Variants in IGSF10 observed in about 807,000 individuals in gnomAD.
The protein encoded by IGSF10 is calvaria mechanical force protein 608.
IGSF10 carries 126 observed loss-of-function variants against 128.2 expected under a neutral mutation model. The observed-to-expected ratio is 0.98, with a 90% CI of 0.85 to 1.14. The LOEUF (loss-of-function observed/expected upper bound fraction) is 1.14, where lower values mean the gene tolerates loss of function less well. IGSF10 is among the 50% of genes most tolerant of loss of function. The pLI, the probability that IGSF10 is intolerant of heterozygous loss-of-function variation, is 0.00. For missense variants in IGSF10, 3,295 were observed against 3,149.8 expected (o/e 1.05, Z -1.10); for synonymous variants, 1,185 against 1,146.2 (o/e 1.03, Z -0.68).
the IGSF10 span, among the ~76,000 whole-genome samples, chr3:151,542,639 GT>G: frequency 4.6e-5 from 7 of 152,070 alleles, no homozygotes; most frequent in African/African-American, 7.2e-5. Context: ...CAAAATAAAT[GT>G]TTTTAGTAAG....
chr3:151,481,114 G>A, the IGSF10 span, among the ~76,000 whole-genome samples: 1 of 152,144 alleles, frequency 6.6e-6, no homozygotes, highest in South Asian at 2.1e-4. Context: ...ACCCCCCAGA[G>A]ATCCAGAGGC....
At chr3:151,528,795 CAGG>C in the IGSF10 span, among the ~76,000 whole-genome samples, 1 of 98,016 alleles carries the variant, frequency 1.0e-5, no homozygotes, top group Non-Finnish European at 2.0e-5. Context: ...GAGCTAGCTG[CAGG>C]AGTTTTTTTT....
At chr3:151,555,957 T>C in the IGSF10 span, among the ~76,000 whole-genome samples, 1 of 152,180 alleles carries the variant, frequency 6.6e-6, no homozygotes, top group Non-Finnish European at 1.5e-5. Context: ...CAAACCTTGA[T>C]ATGATTCTGC....
chr3:151,486,642 C>T, the IGSF10 span, among the ~76,000 whole-genome samples: 1 of 152,204 alleles, frequency 6.6e-6, no homozygotes, highest in African/African-American at 2.4e-5. Flanking sequence ...CAAATTAGAA[C>T]TCAAGATTAA....
intron 5 of IGSF10, among the ~76,000 whole-genome samples, chr3:151,451,476 C>A (rs984100713): frequency 6.6e-6 from 1 of 152,142 alleles, no homozygotes; most frequent in Non-Finnish European, 1.5e-5. Flanking sequence ...AATGGATGCT[C>A]AGGAAAGATC....
the IGSF10 span, among the ~76,000 whole-genome samples, chr3:151,522,495 A>G: frequency 2.0e-5 from 3 of 152,170 alleles, no homozygotes; most frequent in Non-Finnish European, 4.4e-5. Flanking sequence ...ATCCACTACA[A>G]TCAAGTAGGC....
At chr3:151,614,445 G>A in the IGSF10 span, among the ~76,000 whole-genome samples, 1 of 152,156 alleles carries the variant, frequency 6.6e-6, no homozygotes, top group South Asian at 2.1e-4. Flanking sequence ...CGATAGACTG[G>A]ATTAAGAAAA....
At chr3:151,453,346 C>A in intron 5 of IGSF10, 38 bp downstream of exon 5, 1 of 1,507,418 alleles carries the variant, frequency 6.6e-7, no homozygotes, top group Non-Finnish European at 8.9e-7. Context: ...CAGATTTCCT[C>A]CACTTAATTG....
chr3:151,528,327 T>TA, the IGSF10 span, among the ~76,000 whole-genome samples: 1 of 152,198 alleles, frequency 6.6e-6, no homozygotes, highest in Admixed American at 6.5e-5. Flanking sequence ...TCGAGGGGCC[T>TA]AAAGCTCATA....
chr3:151,478,991 TAC>T, the IGSF10 span, among the ~76,000 whole-genome samples: 1 of 152,244 alleles, frequency 6.6e-6, no homozygotes, highest in Non-Finnish European at 1.5e-5. Context: ...TCCTAACACC[TAC>T]ACTCTCAGGT....
the IGSF10 span, among the ~76,000 whole-genome samples, chr3:151,618,837 G>GTA: frequency 6.6e-6 from 1 of 150,732 alleles, no homozygotes; most frequent in South Asian, 2.1e-4. Flanking sequence ...GTTTTACTAT[G>GTA]TATGCCAGGA....
rs1471839461 is a variant in IGSF10, at chr3:151,443,333, G to A, written c.5614C>T (p.Pro1872Ser). 1 of 1,614,088 alleles carries A rather than the reference G, an allele frequency of 6.2e-7. No individual in the cohort carries two copies. Among genetic ancestry groups the A allele is most frequent in the East Asian group, 2.2e-5 (1 of 44,898 alleles). ...LPCTAKGTPQ[P>S]SVYWVLSDGT... ...TCAGAGAGGACCCAGTAAACGCTGG[G>A]CTGAGGAGTTCCTTTTGCAGTACAG... The change falls in exon 7 of 8, where the codon CCC becomes TCC. Residue 1872 changes from proline to serine, a missense_variant. By Grantham distance (74) the Pro-to-Ser change is moderately conservative. Coordinates refer to ENST00000282466, the MANE Select transcript of IGSF10 (RefSeq NM_178822.5).
In IGSF10 at chr3:151,447,786, G is replaced by C. The variant is rs771583383; in HGVS notation, c.2195C>G (p.Ser732Ter). ...ATTCTCCCTAAAACGTCGATGTGTT[G>C]AATCTCCACGTCGCTGGAGTGTTAA... ...RELTLQRRGD[S>*]THRRFRENRR... The change falls in exon 6 of 8, where the codon TCA becomes TGA. Residue 732 changes from serine (S) to a stop codon, truncating the protein, a stop_gained. Coordinates refer to ENST00000282466, the MANE Select transcript of IGSF10 (RefSeq NM_178822.5). LOFTEE classifies it high-confidence loss of function. 6.2e-7 allele frequency: 1 copy of C among 1,614,158 alleles called. No individual in the cohort carries two copies. The highest frequency in any genetic ancestry group is 8.5e-7 in the Non-Finnish European group (1 of 1,180,028).
In IGSF10 at chr3:151,446,453, CACTGAATCT is replaced by C; in HGVS notation, c.3519_3527del (p.Asp1174_Val1176del). On this transcript the variant is annotated inframe_deletion, in exon 6 of 8. Transcript: ENST00000282466. ...TAGCACCTGAAAGTGACGATGTAAT[CACTGAATCT>C]CTTTTAGCTTCATTGGTGCTAGACA... The C allele has an allele frequency of 6.2e-7, 1 of 1,614,170 alleles. No individual in the cohort carries two copies. The highest frequency in any genetic ancestry group is 8.5e-7 in the Non-Finnish European group (1 of 1,180,012).
At position 151,443,340 on chromosome 3, in the gene IGSF10, A is replaced by C. The variant is rs199858620; in HGVS notation, c.5607T>G (p.Thr1869=). 6.2e-7 allele frequency: 1 copy of C among 1,614,224 alleles called. No individual in the cohort carries two copies. The highest frequency in any genetic ancestry group is 1.3e-5 in the African/African-American group (1 of 75,060). ...GGACCCAGTAAACGCTGGGCTGAGG[A>C]GTTCCTTTTGCAGTACAGGGCAGTT... is the stretch of plus-strand genomic sequence containing the variant. ...SLKLPCTAKG[T]PQPSVYWVLS... The change falls in exon 7 of 8, where the codon ACT becomes ACG. Residue 1869 remains threonine (T), a synonymous_variant. Transcript: ENST00000282466.
At chr3:151,617,303 T>TCTTCTC in the IGSF10 span, among the ~76,000 whole-genome samples, 1 of 132,428 alleles carries the variant, frequency 7.6e-6, no homozygotes, top group Non-Finnish European at 1.6e-5. Context: ...TTCTTCTTCT[T>TCTTCTC]CTTCTTCTTC....
At chr3:151,514,309 A>G in the IGSF10 span, among the ~76,000 whole-genome samples, 1 of 152,196 alleles carries the variant, frequency 6.6e-6, no homozygotes, top group Admixed American at 6.5e-5. Flanking sequence ...CCTCAGAAAT[A>G]ATGACACATA....
the IGSF10 span, among the ~76,000 whole-genome samples, chr3:151,563,230 A>G: frequency 2.6e-5 from 4 of 152,118 alleles, no homozygotes; most frequent in Admixed American, 6.6e-5. Flanking sequence ...CTTGACCGTG[A>G]GAGTGACTTT....
Position 151,443,833 on chromosome 3 carries a change from T to A in IGSF10, c.5114A>T (p.Asn1705Ile), listed in dbSNP as rs142050988. ...CACCCTCTGGATGGACAGGGTACCATTGGGGAGAACCTGGACCCTGCTATT... is the reference window on the plus strand; with the variant it reads ...CACCCTCTGGATGGACAGGGTACCAATGGGGAGAACCTGGACCCTGCTATT... The part of the protein sequence containing the change: ...KQNSRVQVLP[N>I]GTLSIQRVEI... The change falls in exon 7 of 8, where the codon AAT becomes ATT. Residue 1705 changes from asparagine to isoleucine, a missense_variant. Coordinates refer to ENST00000282466, the MANE Select transcript of IGSF10 (RefSeq NM_178822.5). 3.7e-6 allele frequency: 6 copies of A among 1,614,022 alleles called. No individual in the cohort carries two copies. Among genetic ancestry groups the A allele is most frequent in the Non-Finnish European group, 5.1e-6 (6 of 1,179,924 alleles).
Sources: allele counts gnomAD v4.1 joint callset (sites outside exome capture counted in the v4.1 genomes callset), GRCh38; gene constraint gnomAD v4.1.1; transcripts MANE v1.5; gene names NCBI Gene and HGNC (gene_info 2026-07-23, HGNC 2026-07-21).